The following LDLRAD4 variants were observed in gnomAD, a reference collection of about 807,000 sequenced individuals.
LDLRAD4 encodes low-density lipoprotein receptor class A domain-containing protein 4.
Under a neutral mutation model 17.0 loss-of-function variants are expected in LDLRAD4, and 5 were observed. The observed-to-expected ratio is 0.29, with a 90% CI of 0.15 to 0.62. The LOEUF is 0.62. LDLRAD4 is among the 20% of genes least tolerant of loss of function. LDLRAD4 has a pLI of 0.84. For missense variants in LDLRAD4, 340 were observed against 424.7 expected, an observed-to-expected ratio of 0.80 and a Z score of 1.75; for synonymous variants, 168 against 171.8, an observed-to-expected ratio of 0.98 and a Z score of 0.17.
intron 1 of LDLRAD4, among the ~76,000 whole-genome samples, chr18:13,371,862 A>C (rs958765957): frequency 6.6e-6 from 1 of 152,238 alleles, no homozygotes; most frequent in Non-Finnish European, 1.5e-5. Flanking sequence ...TTACTAATTC[A>C]TGTCTTTATT....
In LDLRAD4 at chr18:13,294,313, C is replaced by T. The variant is rs60851678; in HGVS notation, c.-383+16125C>T. Among the ~76,000 whole-genome samples, 3,865 of 152,258 alleles carry T rather than the reference C, an allele frequency of 0.025. 321 individuals are homozygous for T. The East Asian group carries it at 0.31, about 12-fold the overall frequency. ...TGGCAGCACCTGAGGGCTGGGGGCA[C>T]GTCAGACAGACGGCCCAGCCGGTGT... On this transcript the variant is annotated intron_variant, in intron 1 of 5. Transcript: ENST00000359446.
At chr18:13,522,377 G>A (rs897641658) in intron 3 of LDLRAD4, 1 of 151,804 alleles carries the variant, frequency 6.6e-6, no homozygotes, top group African/African-American at 2.4e-5. Flanking sequence ...TATTTGTGTA[G>A]CATTGCACTG....
intron 1 of LDLRAD4, among the ~76,000 whole-genome samples, chr18:13,333,221 A>G (rs1184619548): frequency 6.6e-6 from 1 of 152,236 alleles, no homozygotes; most frequent in African/African-American, 2.4e-5. Context: ...TCTTTGAGAG[A>G]CTATCTGTTA....
At chr18:13,590,166 C>T (rs977025820) in intron 3 of LDLRAD4, among the ~76,000 whole-genome samples, 1 of 148,960 alleles carries the variant, frequency 6.7e-6, no homozygotes. Context: ...TACGCATGTG[C>T]GTATATGGAG....
At chr18:13,567,850 G>T (rs1350232925) in intron 3 of LDLRAD4, among the ~76,000 whole-genome samples, 1 of 152,066 alleles carries the variant, frequency 6.6e-6, no homozygotes, top group African/African-American at 2.4e-5. Flanking sequence ...CTCTAGTTTG[G>T]ACATGTCTTG....
chr18:13,456,872 G>T (rs1301584542), intron 3 of LDLRAD4, among the ~76,000 whole-genome samples: 1 of 152,198 alleles, frequency 6.6e-6, no homozygotes, highest in East Asian at 1.9e-4. Flanking sequence ...GTTTTTTCTA[G>T]ATTCTGTGGC....
intron 1 of LDLRAD4, among the ~76,000 whole-genome samples, chr18:13,371,057 A>T (rs1045262925): frequency 3.3e-5 from 5 of 152,180 alleles, no homozygotes; most frequent in Non-Finnish European, 5.9e-5. Flanking sequence ...AAACATTGCC[A>T]GAATTTTCAG....
intron 3 of LDLRAD4, chr18:13,526,139 T>G (rs1039160006): frequency 3.3e-5 from 5 of 152,186 alleles, no homozygotes; most frequent in African/African-American, 1.2e-4. Context: ...AGGATGGATA[T>G]GGGATATATC....
chr18:13,464,741 C>T (rs868278697), intron 3 of LDLRAD4, among the ~76,000 whole-genome samples: 44 of 143,170 alleles, frequency 3.1e-4, no homozygotes, highest in African/African-American at 9.4e-4. Context: ...TTTTTCACAT[C>T]GCTGTAGATG....
chr18:13,505,951 G>A (rs892827356), intron 3 of LDLRAD4, among the ~76,000 whole-genome samples: 5 of 152,174 alleles, frequency 3.3e-5, no homozygotes, highest in African/African-American at 1.2e-4. Flanking sequence ...GCAGTGTGGG[G>A]TGAGCAGAGC....
At chr18:13,441,583 A>C (rs1355886788) in intron 3 of LDLRAD4, among the ~76,000 whole-genome samples, 1 of 152,202 alleles carries the variant, frequency 6.6e-6, no homozygotes, top group East Asian at 1.9e-4. Context: ...GATGAGCTAG[A>C]ATCAGTTTAG....
intron 1 of LDLRAD4, among the ~76,000 whole-genome samples, chr18:13,225,119 AGCCACTGCGCCAG>A (rs1330375583): frequency 5.3e-5 from 8 of 152,208 alleles, no homozygotes; most frequent in Non-Finnish European, 1.0e-4. Flanking sequence ...TACAGGTGTG[AGCCACTGCGCCAG>A]GCCAAGAGTC....
At chr18:13,444,453 G>A (rs1232931156) in intron 3 of LDLRAD4, among the ~76,000 whole-genome samples, 1 of 152,128 alleles carries the variant, frequency 6.6e-6, no homozygotes, top group Non-Finnish European at 1.5e-5. Flanking sequence ...CAAAATGTGT[G>A]TTAATCGACT....
At chr18:13,592,953 G>C (rs1217239131) in intron 3 of LDLRAD4, among the ~76,000 whole-genome samples, 1 of 152,208 alleles carries the variant, frequency 6.6e-6, no homozygotes, top group Non-Finnish European at 1.5e-5. Context: ...GTTCTAGAAA[G>C]TGTATTCTTA....
intron 1 of LDLRAD4, among the ~76,000 whole-genome samples, chr18:13,318,484 A>G (rs1180929006): frequency 1.3e-5 from 2 of 152,168 alleles, no homozygotes; most frequent in Admixed American, 1.3e-4. Context: ...CTGGTCTCGA[A>G]TTCCTGACCT....
chr18:13,334,055 T>C (rs991735221), intron 1 of LDLRAD4, among the ~76,000 whole-genome samples: 2 of 152,264 alleles, frequency 1.3e-5, no homozygotes, highest in Non-Finnish European at 2.9e-5. Context: ...TGTCCATTTA[T>C]GTAGTTCCTC....
intron 1 of LDLRAD4, among the ~76,000 whole-genome samples, chr18:13,315,379 C>T (rs182660421): frequency 3.4e-4 from 51 of 152,186 alleles, no homozygotes; most frequent in African/African-American, 1.2e-3. Flanking sequence ...AGAGTAAAAG[C>T]CAACAATGGA....
At chr18:13,400,687 A>G (rs1304276228) in intron 2 of LDLRAD4, among the ~76,000 whole-genome samples, 3 of 152,192 alleles carry the variant, frequency 2.0e-5, no homozygotes, top group Non-Finnish European at 1.5e-5. Context: ...CATAAGAGGG[A>G]GCAAAGCCTT....
At chr18:13,565,964 T>C (rs984237557) in intron 3 of LDLRAD4, among the ~76,000 whole-genome samples, 2 of 152,188 alleles carry the variant, frequency 1.3e-5, no homozygotes, top group African/African-American at 2.4e-5. Flanking sequence ...GAGCTGCTGC[T>C]CCAAGGCACG....
Sources: allele counts gnomAD v4.1 joint callset (sites outside exome capture counted in the v4.1 genomes callset), GRCh38; gene constraint gnomAD v4.1.1; transcripts MANE v1.5; gene names NCBI Gene and HGNC (gene_info 2026-07-23, HGNC 2026-07-21).